The following CTNNA2 variants were observed in gnomAD, a reference collection of about 807,000 sequenced individuals.
CTNNA2 encodes catenin alpha-2.
CTNNA2 carries 42 observed loss-of-function variants against 101.0 expected under a neutral mutation model. The ratio of observed to expected loss-of-function variants is 0.42; its 90% CI spans 0.32 to 0.54. The LOEUF is 0.54. Among genes scored for constraint, CTNNA2 ranks in the 20% least tolerant of loss-of-function variants. The pLI is 0.14. For synonymous variants in CTNNA2, 450 were observed against 456.4 expected (o/e 0.99, Z 0.18); for missense variants, 871 against 1,223.1 (o/e 0.71, Z 4.29).
chr2:79,215,576 A>T (rs1165585042), intron 2 of CTNNA2, among the ~76,000 whole-genome samples: 1 of 151,932 alleles, frequency 6.6e-6, no homozygotes, highest in Admixed American at 6.6e-5. Flanking sequence ...CGACCTTTTG[A>T]CCTTTTAGGG....
At chr2:79,399,265 G>A (rs1302439443) in intron 4 of CTNNA2, among the ~76,000 whole-genome samples, 1 of 151,988 alleles carries the variant, frequency 6.6e-6, no homozygotes, top group Non-Finnish European at 1.5e-5. Context: ...AGGAAACTTT[G>A]CAAAGCTTTC....
At chr2:80,181,675 T>C (rs1393076226) in intron 7 of CTNNA2, among the ~76,000 whole-genome samples, 1 of 152,222 alleles carries the variant, frequency 6.6e-6, no homozygotes, top group African/African-American at 2.4e-5. Flanking sequence ...CATCACTTTG[T>C]CTAGTGAACT....
intron 2 of CTNNA2, among the ~76,000 whole-genome samples, chr2:79,682,204 C>G (rs1352367651): frequency 6.6e-6 from 1 of 151,594 alleles, no homozygotes; most frequent in Non-Finnish European, 1.5e-5. Context: ...GTCAGGAGAT[C>G]GAGACCATCC....
chr2:79,414,264 C>T (rs6729214), intron 4 of CTNNA2, among the ~76,000 whole-genome samples: 207 of 151,630 alleles, frequency 1.4e-3, no homozygotes, highest in Non-Finnish European at 2.7e-3. Flanking sequence ...AGTTTTACGA[C>T]TAATAAATTC....
intron 3 of CTNNA2, among the ~76,000 whole-genome samples, chr2:79,857,634 T>A (rs1289719948): frequency 6.6e-6 from 1 of 152,210 alleles, no homozygotes; most frequent in Non-Finnish European, 1.5e-5. Context: ...ACCTCGACTG[T>A]CAGTAACTTC....
chr2:79,716,125 T>G, intron 2 of CTNNA2, among the ~76,000 whole-genome samples: 1 of 151,720 alleles, frequency 6.6e-6, no homozygotes, highest in Non-Finnish European at 1.5e-5. Flanking sequence ...AAGAACAAAA[T>G]TGGGTGTACA....
At position 79,316,477 on chromosome 2, in the gene CTNNA2, A is replaced by G. The variant is rs117576110; in HGVS notation, c.-318+3681A>G. 6.8e-4 allele frequency among the ~76,000 whole-genome samples: 104 copies of G among 152,160 alleles called. 1 individual carries two copies. The East Asian group carries it at 0.013, about 19-fold the overall frequency. On this transcript the variant is annotated intron_variant, in intron 3 of 21. Transcript: ENST00000466387. Reference sequence around the variant, plus strand: ...TCAATTTCTTCCGAAATGGAAGCTAAGATTGTGTTGAATCTGTAGATCAGT... The same window carrying G: ...TCAATTTCTTCCGAAATGGAAGCTAGGATTGTGTTGAATCTGTAGATCAGT...
chr2:79,274,000 A>T (rs1314833747), intron 2 of CTNNA2, among the ~76,000 whole-genome samples: 1 of 151,506 alleles, frequency 6.6e-6, no homozygotes, highest in Non-Finnish European at 1.5e-5. Flanking sequence ...TTCAGTTCTA[A>T]TTTTTTTGTT....
chr2:79,415,272 C>G (rs931595765), intron 4 of CTNNA2, among the ~76,000 whole-genome samples: 1 of 152,156 alleles, frequency 6.6e-6, no homozygotes, highest in Non-Finnish European at 1.5e-5. Flanking sequence ...GCTCTTGCCA[C>G]ATGACATGCC....
chr2:80,485,103 T>C (rs1686465534), intron 9 of CTNNA2, among the ~76,000 whole-genome samples: 2 of 152,168 alleles, frequency 1.3e-5, no homozygotes, highest in African/African-American at 4.8e-5. Flanking sequence ...TAAGTGTACG[T>C]GTGTGTTGTT....
At chr2:79,736,963 C>T (rs573526238) in intron 2 of CTNNA2, among the ~76,000 whole-genome samples, 1 of 152,266 alleles carries the variant, frequency 6.6e-6, no homozygotes, top group South Asian at 2.1e-4. Context: ...GATGCTTTCC[C>T]ACCAAAAGAC....
intron 3 of CTNNA2, among the ~76,000 whole-genome samples, chr2:79,321,738 A>T (rs78850536): frequency 0.026 from 3,885 of 152,282 alleles, 72 homozygotes; most frequent in Middle Eastern, 0.054. Flanking sequence ...GAGAGCAGAG[A>T]CAAGGTGCAG....
At chr2:80,497,457 C>T (rs1687560059) in intron 9 of CTNNA2, among the ~76,000 whole-genome samples, 1 of 152,200 alleles carries the variant, frequency 6.6e-6, no homozygotes, top group Non-Finnish European at 1.5e-5. Flanking sequence ...ACACTAAACA[C>T]TAAACTCTTT....
intron 2 of CTNNA2, among the ~76,000 whole-genome samples, chr2:79,218,788 A>G (rs1558577363): frequency 6.6e-6 from 1 of 152,196 alleles, no homozygotes; most frequent in Non-Finnish European, 1.5e-5. Context: ...AAGTTTTTCA[A>G]AAAGTGAATT....
intron 3 of CTNNA2, among the ~76,000 whole-genome samples, chr2:79,771,375 A>G (rs2105145254): frequency 6.6e-6 from 1 of 152,320 alleles, no homozygotes; most frequent in East Asian, 1.9e-4. Context: ...GACGAGGGGT[A>G]AGGGGATGGT....
rs149592233 is a variant in CTNNA2, at chr2:79,933,186, T to C, written c.1056+23389T>C. The stretch of plus-strand genomic sequence containing the variant: ...TGGTATTTATTGAGCAACCTCTGTG[T>C]AAATTGGGTAGACATTTTCTCTTAG... On this transcript the variant is annotated intron_variant, in intron 7 of 18. Coordinates refer to ENST00000402739, the MANE Select transcript of CTNNA2 (RefSeq NM_001282597.3). 5.9e-3 allele frequency among the ~76,000 whole-genome samples: 895 copies of C among 152,298 alleles called. 5 individuals are homozygous for C. Among genetic ancestry groups the C allele is most frequent in the African/African-American group, 0.02 (847 of 41,556 alleles).
intron 3 of CTNNA2, among the ~76,000 whole-genome samples, chr2:79,767,238 T>C (rs1021094169): frequency 6.6e-6 from 1 of 152,146 alleles, no homozygotes; most frequent in East Asian, 1.9e-4. Context: ...GATAGAATTT[T>C]GAATGTCTTC....
chr2:80,432,686 C>G (rs149870820), intron 9 of CTNNA2, among the ~76,000 whole-genome samples: 7 of 152,304 alleles, frequency 4.6e-5, no homozygotes, highest in Middle Eastern at 3.4e-3. Flanking sequence ...ACCTGCCCTT[C>G]CAAATCTGTA....
At chr2:79,499,136 T>C (rs1671290437) in intron 4 of CTNNA2, 1 of 152,312 alleles carries the variant, frequency 6.6e-6, no homozygotes, top group Admixed American at 6.5e-5. Context: ...ACAAAGACCA[T>C]CAACTTCCTA....
Sources: allele counts gnomAD v4.1 joint callset (sites outside exome capture counted in the v4.1 genomes callset), GRCh38; gene constraint gnomAD v4.1.1; transcripts MANE v1.5; gene names NCBI Gene and HGNC (gene_info 2026-07-23, HGNC 2026-07-21).